HOXB1: variants seen among roughly 807,000 people sequenced by gnomAD.
The protein encoded by HOXB1 is homeobox protein Hox-B1.
HOXB1 carries 13 observed loss-of-function variants against 26.9 expected under a neutral mutation model. The ratio of observed to expected loss-of-function variants is 0.48; its 90% CI spans 0.31 to 0.77. The LOEUF (loss-of-function observed/expected upper bound fraction) is 0.77. HOXB1 is among the 30% of genes least tolerant of loss of function. The pLI is 0.04. For missense variants in HOXB1, 366 were observed against 403.6 expected, an observed-to-expected ratio of 0.91 and a Z score of 0.80; for synonymous variants, 168 against 170.8, an observed-to-expected ratio of 0.98 and a Z score of 0.13.
intron 1 of HOXB1, 38 bp from the exon 2 acceptor site, chr17:48,529,913 C>T: frequency 6.7e-7 from 1 of 1,488,638 alleles, no homozygotes; most frequent in Non-Finnish European, 9.0e-7. Flanking sequence ...GGTCAATTCT[C>T]TCACCTCTTT....
At position 48,530,467 on chromosome 17, in the gene HOXB1, G is replaced by C. The variant is rs368471890; in HGVS notation, c.438C>G (p.Asn146Lys). The change falls in exon 1 of 2, where the codon AAC becomes AAG. Residue 146 changes from asparagine to lysine, a missense_variant. Physicochemically the swap from Asn to Lys is moderately conservative, Grantham distance 94. Coordinates refer to ENST00000239174, the MANE Select transcript of HOXB1 (RefSeq NM_002144.4). This position sits in a 1 kb window ranked among gnomAD's most constrained non-coding sequence, Gnocchi z 6.2. ...PYPPQHPPYGNEQTASFAPAY... is the reference protein window; with the variant it reads ...PYPPQHPPYGKEQTASFAPAY... ...CCGGTGCAAAGCTCGCGGTCTGCTC[G>C]TTCCCATAAGGGGGATGCTGCGGAG... 4.3e-6 allele frequency: 7 copies of C among 1,614,016 alleles called. No homozygotes were observed. The highest frequency in any genetic ancestry group is 2.7e-5 in the African/African-American group (2 of 74,912).
Position 48,529,605 on chromosome 17 carries a change from G to A in HOXB1, c.848C>T (p.Ala283Val), listed in dbSNP as rs747329214. The stretch of plus-strand genomic sequence containing the variant: ...GGAGGTGCATGTCGACTGGTCTGAG[G>A]CATCTCCAGCTGCCTCCTTGGGGCA... ...PGCPKEAAGD[A>V]SDQSTCTSPE... The change falls in exon 2 of 2, where the codon GCC becomes GTC. Residue 283 changes from alanine to valine, a missense_variant. By Grantham distance (64) the Ala-to-Val change is moderately conservative (BLOSUM62 0). Transcript: ENST00000239174. 13 of 1,581,614 alleles carry A rather than the reference G, an allele frequency of 8.2e-6. No individual in the cohort carries two copies. Among genetic ancestry groups the A allele is most frequent in the Non-Finnish European group, 6.9e-6 (8 of 1,160,866 alleles).
intron 1 of HOXB1, 96 bp from the exon 2 acceptor site, chr17:48,529,971 C>A: frequency 9.3e-7 from 1 of 1,078,952 alleles, no homozygotes; most frequent in Non-Finnish European, 1.3e-6. Context: ...CCTCCATTTG[C>A]CATTCTGCCC....
Position 48,530,817 on chromosome 17 carries a change from A to C in HOXB1, c.88T>G (p.Ser30Ala), listed in dbSNP as rs1347318697. The change falls in exon 1 of 2, where the codon TCC becomes GCC. Residue 30 changes from serine to alanine, a missense_variant. Coordinates refer to ENST00000239174, the MANE Select transcript of HOXB1 (RefSeq NM_002144.4). This position sits in a 1 kb window ranked among gnomAD's most constrained non-coding sequence, Gnocchi z 6.2. ...GCCTGAGCCGAGCTTGGGGGAAAGG[A>C]GGTTGGGGCGCTGTGGGCGCTGTAG... ...SAYSAHSAPT[S>A]FPPSSAQAVD... 4 of 1,416,020 alleles carry C rather than the reference A, an allele frequency of 2.8e-6. No individual in the cohort carries two copies. The highest frequency in any genetic ancestry group is 3.0e-6 in the Non-Finnish European group (3 of 1,013,760). The allele number at this position is 1,416,020 out of a possible 1,614,324, so 87.7% of individuals were successfully genotyped here. A position where few individuals can be genotyped will look rare whatever the true frequency, so the allele number is the denominator to read the frequency against.
chr17:48,530,913 G>A lies in HOXB1; in HGVS notation c.-9C>T, dbSNP rs1445739119. On this transcript the variant is annotated 5_prime_UTR_variant, in exon 1 of 2. Coordinates refer to ENST00000239174, the MANE Select transcript of HOXB1 (RefSeq NM_002144.4). This position sits in a 1 kb window ranked among gnomAD's most constrained non-coding sequence, Gnocchi z 6.2. ...ATCCTATTATAGTCCATGCGTCAAGGCCGCAGGAGGGTCGGCCCGTTTGGG... is the reference window on the plus strand; with the variant it reads ...ATCCTATTATAGTCCATGCGTCAAGACCGCAGGAGGGTCGGCCCGTTTGGG... 1.3e-6 allele frequency: 2 copies of A among 1,508,480 alleles called. No homozygotes were observed. The highest frequency in any genetic ancestry group is 1.8e-6 in the Non-Finnish European group (2 of 1,128,224). The allele number at this position is 1,508,480 out of a possible 1,614,324, so 93.4% of individuals were successfully genotyped here. A position where few individuals can be genotyped will look rare whatever the true frequency, so the allele number is the denominator to read the frequency against.
Position 48,530,583 on chromosome 17 carries a change from C to T in HOXB1, c.322G>A (p.Gly108Arg), listed in dbSNP as rs773334553. The T allele has an allele frequency of 2.5e-6, 4 of 1,613,976 alleles. No homozygotes were observed. The highest frequency in any genetic ancestry group is 4.5e-5 in the East Asian group (2 of 44,888). ...TAGCTCGAGGGATGAAAATAGCCTC[C>T]GTCTCCTTCTGATTGACCCAGAGGG... ...YYPLGQSEGD[G>R]GYFHPSSYGA... is the part of the protein sequence containing the mutation. The change falls in exon 1 of 2, where the codon GGA becomes AGA. Residue 108 changes from glycine to arginine, a missense_variant. Gly to Arg is a moderately radical substitution (Grantham distance 125, BLOSUM62 -2). Coordinates refer to ENST00000239174, the MANE Select transcript of HOXB1 (RefSeq NM_002144.4). The surrounding 1 kb of genome is among the most constrained non-coding windows in gnomAD (Gnocchi z 6.2).
At position 48,530,704 on chromosome 17, in the gene HOXB1, C is replaced by A; in HGVS notation, c.201G>T (p.Gln67His). 1 of 1,612,638 alleles carries A rather than the reference C, an allele frequency of 6.2e-7. No individual in the cohort carries two copies. Among genetic ancestry groups the A allele is most frequent in the Non-Finnish European group, 8.5e-7 (1 of 1,179,388 alleles). ...AGGGCACCCCCAGGGTCGAAGGCGG[C>A]TGCTGGGCGGGATAGCCGGAGTTCT... is the stretch of plus-strand genomic sequence containing the variant. ...FQQNSGYPAQ[Q>H]PPSTLGVPFP... Residue 67 changes from glutamine to histidine, a missense_variant, in exon 1 of 2, where the codon CAG becomes CAT. Physicochemically the swap from Gln to His is conservative, Grantham distance 24 (BLOSUM62 0). Coordinates refer to ENST00000239174, the MANE Select transcript of HOXB1 (RefSeq NM_002144.4). The surrounding 1 kb of genome is among the most constrained non-coding windows in gnomAD (Gnocchi z 6.2).
At position 48,529,397 on chromosome 17, in the gene HOXB1, C is replaced by G. The variant is rs2068418310; in HGVS notation, c.*150G>C. ...AGAAAAATGTTTCCCCATCCCCCCT[C>G]CCACCCCCAGGCAGCTCTAAACTGG... is the stretch of plus-strand genomic sequence containing the variant. On this transcript the variant is annotated 3_prime_UTR_variant, in exon 2 of 2. Coordinates refer to ENST00000239174, the MANE Select transcript of HOXB1 (RefSeq NM_002144.4). 2.0e-6 allele frequency: 1 copy of G among 497,768 alleles called. No individual in the cohort carries two copies. The highest frequency in any genetic ancestry group is 2.0e-5 in the African/African-American group (1 of 51,224). 30.8% of individuals were successfully genotyped at this position (497,768 alleles called of 1,614,324 possible).
Position 48,529,270 on chromosome 17 carries a change from G to C in HOXB1, c.*277C>G. 1 of 324,610 alleles carries C rather than the reference G, an allele frequency of 3.1e-6. No individual in the cohort carries two copies. The highest frequency in any genetic ancestry group is 4.4e-5 in the Admixed American group (1 of 22,500). 20.1% of individuals were successfully genotyped at this position (324,610 alleles called of 1,614,324 possible). ...CACCCCCACCACATGTTGACACTGA[G>C]CTGATCCCCAGATCAAAGGCAGAAG... is the stretch of plus-strand genomic sequence containing the variant. On this transcript the variant is annotated 3_prime_UTR_variant, in exon 2 of 2. Coordinates refer to ENST00000239174, the MANE Select transcript of HOXB1 (RefSeq NM_002144.4).
At position 48,528,821 on chromosome 17, in the gene HOXB1, C is replaced by A. The variant is rs1197986216; in HGVS notation, c.*726G>T. 6.6e-6 allele frequency: 1 copy of A among 152,122 alleles called. No individual in the cohort carries two copies. The highest frequency in any genetic ancestry group is 1.5e-5 in the Non-Finnish European group (1 of 68,060). 9.4% of individuals were successfully genotyped at this position (152,122 alleles called of 1,614,324 possible). A position where few individuals can be genotyped will look rare whatever the true frequency, so the allele number is the denominator to read the frequency against. On this transcript the variant is annotated 3_prime_UTR_variant, in exon 2 of 2. Transcript: ENST00000239174. ...CTGGTTGTGGCTTGCTGGGGGCAGG[C>A]CTTGCACGGCGTTCCAGAAGTCTCT...
In HOXB1 at chr17:48,530,815, G is replaced by A. The variant is rs1160212789; in HGVS notation, c.90C>T (p.Ser30=). ...SAYSAHSAPT[S]FPPSSAQAVD... is the part of the protein sequence containing the mutation. The stretch of plus-strand genomic sequence containing the variant: ...CCGCCTGAGCCGAGCTTGGGGGAAA[G>A]GAGGTTGGGGCGCTGTGGGCGCTGT... The change falls in exon 1 of 2, where the codon TCC becomes TCT. Residue 30 remains serine, a synonymous_variant. Transcript: ENST00000239174. The surrounding 1 kb of genome is among the most constrained non-coding windows in gnomAD (Gnocchi z 6.2). 1.9e-6 allele frequency: 3 copies of A among 1,598,436 alleles called. No individual in the cohort carries two copies. Among genetic ancestry groups the A allele is most frequent in the Non-Finnish European group, 2.6e-6 (3 of 1,173,180 alleles).
Position 48,530,446 on chromosome 17 carries a change from T to G in HOXB1, c.459A>C (p.Ala153=). The G allele has an allele frequency of 1.2e-6, 2 of 1,614,104 alleles. No individual in the cohort carries two copies. Among genetic ancestry groups the G allele is most frequent in the Non-Finnish European group, 1.7e-6 (2 of 1,180,012 alleles). ...PYGNEQTASF[A]PAYADLLSED... The stretch of plus-strand genomic sequence containing the variant: ...CGGAGAGGAGATCAGCATAGGCCGG[T>G]GCAAAGCTCGCGGTCTGCTCGTTCC... Residue 153 remains alanine, a synonymous_variant, in exon 1 of 2, where the codon GCA becomes GCC. Transcript: ENST00000239174. This position sits in a 1 kb window ranked among gnomAD's most constrained non-coding sequence, Gnocchi z 6.2.
At position 48,530,776 on chromosome 17, in the gene HOXB1, T is replaced by A; in HGVS notation, c.129A>T (p.Ala43=). The change falls in exon 1 of 2, where the codon GCA becomes GCT. Residue 43 remains alanine, a synonymous_variant. Transcript: ENST00000239174. The surrounding 1 kb of genome is among the most constrained non-coding windows in gnomAD (Gnocchi z 6.2). ...GCCCCCCACCGTAGCGGCCCTCGCTTGCATAGCTGTCAACCGCCTGAGCCG... is the reference window on the plus strand; with the variant it reads ...GCCCCCCACCGTAGCGGCCCTCGCTAGCATAGCTGTCAACCGCCTGAGCCG... ...PSSAQAVDSY[A]SEGRYGGGLS... The A allele has an allele frequency of 6.2e-7, 1 of 1,609,724 alleles. No homozygotes were observed. The highest frequency in any genetic ancestry group is 8.5e-7 in the Non-Finnish European group (1 of 1,177,892).
In HOXB1 at chr17:48,530,856, G is replaced by C; in HGVS notation, c.49C>G (p.Arg17Gly). The change falls in exon 1 of 2, where the codon CGG becomes GGG. Residue 17 changes from arginine to glycine, a missense_variant. Physicochemically the swap from Arg to Gly is moderately radical, Grantham distance 125. Transcript: ENST00000239174. The surrounding 1 kb of genome is among the most constrained non-coding windows in gnomAD (Gnocchi z 6.2). ...NSFLEYPLCN[R>G]GPSAYSAHSA... ...TGGGCGCTGTAGGCGCTGGGTCCCCGGTTACAGAGTGGGTACTCTAAGAAG... is the reference window on the plus strand; with the variant it reads ...TGGGCGCTGTAGGCGCTGGGTCCCCCGTTACAGAGTGGGTACTCTAAGAAG... 6 of 1,515,648 alleles carry C rather than the reference G, an allele frequency of 4.0e-6. No individual in the cohort carries two copies. The highest frequency in any genetic ancestry group is 5.3e-6 in the Non-Finnish European group (6 of 1,123,134). The allele number at this position is 1,515,648 out of a possible 1,614,324, so 93.9% of individuals were successfully genotyped here.
chr17:48,530,187 T>C lies in HOXB1; in HGVS notation c.577+141A>G. Reference sequence around the variant, plus strand: ...CTGGGTGGGGAGACCTCACCTGACCTGAGACGTAGGTTGTGCTCTTACCTG... The same window carrying C: ...CTGGGTGGGGAGACCTCACCTGACCCGAGACGTAGGTTGTGCTCTTACCTG... On this transcript the variant is annotated intron_variant, in intron 1 of 1. Transcript: ENST00000239174. This position sits in a 1 kb window ranked among gnomAD's most constrained non-coding sequence, Gnocchi z 6.2. 1.3e-6 allele frequency: 1 copy of C among 752,792 alleles called. No homozygotes were observed. Among genetic ancestry groups the C allele is most frequent in the Non-Finnish European group, 2.2e-6 (1 of 450,274 alleles). The allele number at this position is 752,792 out of a possible 1,614,324, so 46.6% of individuals were successfully genotyped here. A position where few individuals can be genotyped will look rare whatever the true frequency, so the allele number is the denominator to read the frequency against.
Position 48,530,841 on chromosome 17 carries a change from A to G in HOXB1, c.64T>C (p.Tyr22His), listed in dbSNP as rs12950537. The change falls in exon 1 of 2, where the codon TAC becomes CAC. Residue 22 changes from tyrosine (Y) to histidine (H), a missense_variant. Coordinates refer to ENST00000239174, the MANE Select transcript of HOXB1 (RefSeq NM_002144.4). The surrounding 1 kb of genome is among the most constrained non-coding windows in gnomAD (Gnocchi z 6.2). ...YPLCNRGPSAYSAHSAPTSFP... is the reference protein window; with the variant it reads ...YPLCNRGPSAHSAHSAPTSFP... ...GAGGTTGGGGCGCTGTGGGCGCTGT[A>G]GGCGCTGGGTCCCCGGTTACAGAGT... 92 of 1,221,670 alleles carry G rather than the reference A, an allele frequency of 7.5e-5. No individual in the cohort carries two copies. Among genetic ancestry groups the G allele is most frequent in the Non-Finnish European group, 8.6e-5 (75 of 870,356 alleles). The allele number at this position is 1,221,670 out of a possible 1,614,324, so 75.7% of individuals were successfully genotyped here.
At chr17:48,529,958 G>A (rs2144693228) in intron 1 of HOXB1, 83 bp from the exon 2 acceptor site, 1 of 1,242,736 alleles carries the variant, frequency 8.0e-7, no homozygotes, top group Non-Finnish European at 1.1e-6. Context: ...GGCTGGCTCT[G>A]GACCTCCATT....
In HOXB1 at chr17:48,530,652, CA is replaced by C; in HGVS notation, c.252del (p.Tyr84Ter). The C allele has an allele frequency of 6.2e-7, 1 of 1,613,808 alleles. No homozygotes were observed. Among genetic ancestry groups the C allele is most frequent in the Non-Finnish European group, 8.5e-7 (1 of 1,179,970 alleles). On this transcript the variant is annotated frameshift_variant, in exon 1 of 2. Transcript: ENST00000239174. LOFTEE classifies it high-confidence loss of function. The surrounding 1 kb of genome is among the most constrained non-coding windows in gnomAD (Gnocchi z 6.2). Reference protein sequence around the residue: ...VPFPSSAPSGYAPAACSPSYG... With the variant: ...VPFPSSAPSGXAPAACSPSYG... ...TAGCTGGGGCTGCAGGCGGCAGGAG[CA>C]TACCCCGAGGGCGCGGAGCTGGGGA...
rs762024431 is a variant in HOXB1 at position 48,530,946 on chromosome 17, C to T, written c.-42G>A. 1 of 1,363,992 alleles carries T rather than the reference C, an allele frequency of 7.3e-7. No homozygotes were observed. The highest frequency in any genetic ancestry group is 1.0e-6 in the Non-Finnish European group (1 of 1,003,898). The allele number at this position is 1,363,992 out of a possible 1,614,324, so 84.5% of individuals were successfully genotyped here. On this transcript the variant is annotated 5_prime_UTR_variant, in exon 1 of 2. It adds an upstream start codon to the 5' untranslated region. Transcript: ENST00000239174. The surrounding 1 kb of genome is among the most constrained non-coding windows in gnomAD (Gnocchi z 6.2). ...AGGGTCGGCCCGTTTGGGGGAGACA[C>T]CCTCTTGCCCTACAACCTTTCGGCA...
Sources: allele counts gnomAD v4.1 joint callset, GRCh38; gene constraint gnomAD v4.1.1; non-coding constraint Gnocchi (gnomAD v3.1); transcripts MANE v1.5; gene names NCBI Gene and HGNC (gene_info 2026-07-23, HGNC 2026-07-21).